KALRN: variants seen among roughly 807,000 people sequenced by gnomAD.
KALRN encodes the protein kalirin.
In KALRN, 70 loss-of-function variants were observed where a neutral mutation model predicts 353.7. The observed-to-expected ratio is 0.20, with a 90% confidence interval of 0.16 to 0.24. The LOEUF (loss-of-function observed/expected upper bound fraction) is 0.24, where lower values mean the gene tolerates loss of function less well. KALRN is among the 10% of genes least tolerant of loss of function. The pLI is 1.00. For synonymous variants in KALRN, 1,391 were observed against 1,434.8 expected (o/e 0.97, Z 0.69); for missense variants, 2,791 against 3,756.7 (o/e 0.74, Z 6.72).
At chr3:124,428,900 T>C (rs2093150651) in intron 15 of KALRN, among the ~76,000 whole-genome samples, 1 of 152,100 alleles carries the variant, frequency 6.6e-6, no homozygotes, top group African/African-American at 2.4e-5. Context: ...CTACAGACAT[T>C]GATGTGTGAT....
intron 34 of KALRN, among the ~76,000 whole-genome samples, chr3:124,620,562 G>C (rs2079150251): frequency 6.6e-6 from 1 of 152,216 alleles, no homozygotes; most frequent in African/African-American, 2.4e-5. Context: ...TTTACTCTTA[G>C]AAGAGCAGCA....
At chr3:124,621,630 C>A (rs73191676) in intron 34 of KALRN, among the ~76,000 whole-genome samples, 29,375 of 152,212 alleles carry the variant, frequency 0.19, 2,923 homozygotes, top group Middle Eastern at 0.27. Context: ...TAGCTCCCCC[C>A]ACTTCCCGGC....
chr3:124,322,824 A>G (rs1461323703), intron 6 of KALRN, among the ~76,000 whole-genome samples: 1 of 152,156 alleles, frequency 6.6e-6, no homozygotes. Context: ...GTACCTAGGG[A>G]CAACTGCAGT....
At chr3:124,678,644 G>T in intron 50 of KALRN, 1 of 198,042 alleles carries the variant, frequency 5.0e-6, no homozygotes, top group Non-Finnish European at 1.1e-5. Flanking sequence ...GCTGCCATTT[G>T]GTACCCTAGG....
At chr3:124,230,708 CT>C (rs2079047008) in intron 2 of KALRN, among the ~76,000 whole-genome samples, 1 of 152,162 alleles carries the variant, frequency 6.6e-6, no homozygotes, top group Non-Finnish European at 1.5e-5. Flanking sequence ...TCAACTGCAC[CT>C]GCGCTTGTGG....
chr3:124,639,953 T>G (rs1487501908), intron 37 of KALRN, among the ~76,000 whole-genome samples: 1 of 152,210 alleles, frequency 6.6e-6, no homozygotes, highest in East Asian at 1.9e-4. Context: ...CTTTCTCCCC[T>G]TCCCACATGT....
chr3:124,205,281 C>A (rs1384567527), intron 1 of KALRN, among the ~76,000 whole-genome samples: 1 of 152,186 alleles, frequency 6.6e-6, no homozygotes, highest in Admixed American at 6.5e-5. Flanking sequence ...CTGAAAATTA[C>A]AATTAGTTCT....
At chr3:124,067,119 C>A (rs540128641) in intron 1 of KALRN, among the ~76,000 whole-genome samples, 2 of 152,142 alleles carry the variant, frequency 1.3e-5, no homozygotes, top group South Asian at 4.1e-4. Context: ...GAAAACAGTT[C>A]CCAGGAGGCA....
intron 1 of KALRN, among the ~76,000 whole-genome samples, chr3:124,049,862 A>T (rs1054064131): frequency 6.6e-6 from 1 of 152,196 alleles, no homozygotes; most frequent in Non-Finnish European, 1.5e-5. Flanking sequence ...TAGCTTTTCA[A>T]ATTTTCTAAA....
intron 51 of KALRN, among the ~76,000 whole-genome samples, chr3:124,690,284 A>G (rs1053194936): frequency 2.6e-5 from 4 of 152,232 alleles, no homozygotes; most frequent in African/African-American, 9.6e-5. Context: ...AGGGAGCCAC[A>G]GACAAATATA....
At chr3:124,385,058 A>C (rs1033379965) in intron 11 of KALRN, 22 bp downstream of exon 11, 15 of 1,560,540 alleles carry the variant, frequency 9.6e-6, no homozygotes. Context: ...TAGTGGAGAG[A>C]GGGCATTCTG....
chr3:124,094,772 G>A (rs1485843856), intron 1 of KALRN: 2 of 1,388,572 alleles, frequency 1.4e-6, no homozygotes, highest in South Asian at 1.2e-5. Context: ...CGGCCTCCTC[G>A]AGTCAGCGGT....
intron 34 of KALRN, among the ~76,000 whole-genome samples, chr3:124,625,030 C>T (rs1469194422): frequency 2.6e-5 from 4 of 152,164 alleles, no homozygotes; most frequent in Non-Finnish European, 5.9e-5. Context: ...AGAAAAAAGT[C>T]AGTCATGGAA....
In KALRN at chr3:124,394,697, A is replaced by G. The variant is rs114320962; in HGVS notation, c.1963-438A>G. ...AATGTGCATTTAGTTCTTATTGACC[A>G]CCACATTCTTTGTGTATTTGCAATA... On this transcript the variant is annotated intron_variant, in intron 11 of 59. Coordinates refer to ENST00000682506, the MANE Select transcript of KALRN (RefSeq NM_001388419.1). 3.4e-3 allele frequency among the ~76,000 whole-genome samples: 521 copies of G among 152,348 alleles called. 1 individual carries two copies. The highest frequency in any genetic ancestry group is 6.2e-3 in the Non-Finnish European group (421 of 68,032).
intron 34 of KALRN, among the ~76,000 whole-genome samples, chr3:124,581,804 T>G (rs1330235331): frequency 6.6e-6 from 1 of 152,142 alleles, no homozygotes; most frequent in Non-Finnish European, 1.5e-5. Flanking sequence ...ACAGTTTTGG[T>G]CTGGGCTTGC....
intron 9 of KALRN, among the ~76,000 whole-genome samples, chr3:124,337,129 C>T (rs1019697225): frequency 1.1e-4 from 16 of 152,142 alleles, no homozygotes; most frequent in African/African-American, 3.9e-4. Context: ...TTCCTCTGTT[C>T]CTATTTGAAT....
At chr3:124,687,457 G>C (rs1040723163) in intron 51 of KALRN, among the ~76,000 whole-genome samples, 3 of 152,002 alleles carry the variant, frequency 2.0e-5, no homozygotes, top group African/African-American at 7.2e-5. Flanking sequence ...ATGGGTGATA[G>C]ATGCTTTCAT....
intron 34 of KALRN, among the ~76,000 whole-genome samples, chr3:124,586,099 G>A (rs770289758): frequency 3.3e-5 from 5 of 152,192 alleles, no homozygotes; most frequent in Non-Finnish European, 5.9e-5. Flanking sequence ...TATTTAATTA[G>A]AGCAGCCTGG....
At chr3:124,045,609 A>G (rs940030402) in intron 1 of KALRN, among the ~76,000 whole-genome samples, 3 of 152,222 alleles carry the variant, frequency 2.0e-5, no homozygotes, top group Non-Finnish European at 4.4e-5. Context: ...TACTGATTTC[A>G]GTGAGCAGAT....
Sources: allele counts gnomAD v4.1 joint callset (sites outside exome capture counted in the v4.1 genomes callset), GRCh38; gene constraint gnomAD v4.1.1; transcripts MANE v1.5; gene names NCBI Gene and HGNC (gene_info 2026-07-23, HGNC 2026-07-21).